The following SRRM4 variants were observed in gnomAD, a reference collection of about 807,000 sequenced individuals.
SRRM4 encodes the protein serine/arginine repetitive matrix protein 4.
SRRM4 carries 33 observed loss-of-function variants against 68.9 expected under a neutral mutation model. That is an observed-to-expected ratio of 0.48 (90% CI 0.36 to 0.64). The LOEUF is 0.64. Among genes scored for constraint, SRRM4 ranks in the 30% least tolerant of loss-of-function variants. The pLI is 0.00. For missense variants in SRRM4, 817 were observed against 827.1 expected, an observed-to-expected ratio of 0.99 and a Z score of 0.15; for synonymous variants, 318 against 318.8, an observed-to-expected ratio of 1.00 and a Z score of 0.03.
chr12:119,024,006 G>A lies in SRRM4; in HGVS notation c.131+41993G>A, dbSNP rs200247979. Among the ~76,000 whole-genome samples the A allele has an allele frequency of 2.7e-5, 4 of 150,840 alleles. No individual in the cohort carries two copies. In the South Asian group the frequency reaches 8.5e-4, roughly 32 times the overall value. On this transcript the variant is annotated intron_variant, in intron 1 of 12. Coordinates refer to ENST00000267260, the MANE Select transcript of SRRM4 (RefSeq NM_194286.4). ...TGTAATTCTCTCTCATTGTACTCTT[G>A]GCTTTTCTGCATGTTACCTATCACA...
At chr12:119,000,410 C>T (rs1172735566) in intron 1 of SRRM4, among the ~76,000 whole-genome samples, 2 of 152,148 alleles carry the variant, frequency 1.3e-5, no homozygotes, top group Non-Finnish European at 2.9e-5. Context: ...TTTGCACTCC[C>T]AGTCACTGGA....
chr12:119,044,111 C>A (rs1468088597), intron 1 of SRRM4, among the ~76,000 whole-genome samples: 2 of 152,308 alleles, frequency 1.3e-5, no homozygotes, highest in South Asian at 2.1e-4. Context: ...AGGTAATCCA[C>A]ACGCCTCGGC....
chr12:119,025,784 TG>T (rs2136003739), intron 1 of SRRM4, among the ~76,000 whole-genome samples: 1 of 151,970 alleles, frequency 6.6e-6, no homozygotes, highest in East Asian at 1.9e-4. Context: ...AAAGGAGAAA[TG>T]GGGAGGGAGG....
At position 119,149,214 on chromosome 12, in the gene SRRM4, G is replaced by T. The variant is rs959508266; in HGVS notation, c.1077-1803G>T. The stretch of plus-strand genomic sequence containing the variant: ...AATGCAAAAACTAGCTGAGTGTGGT[G>T]GTGCGCACCTGCAGTCCCAGCCACT... On this transcript the variant is annotated intron_variant, in intron 9 of 12. Transcript: ENST00000267260. 1.1e-4 allele frequency among the ~76,000 whole-genome samples: 17 copies of T among 152,272 alleles called. No homozygotes were observed. The East Asian group carries it at 1.2e-3, about 10-fold the overall frequency.
intron 1 of SRRM4, among the ~76,000 whole-genome samples, chr12:119,067,349 A>G (rs1953852087): frequency 6.6e-6 from 1 of 152,148 alleles, no homozygotes; most frequent in African/African-American, 2.4e-5. Context: ...TCTTATTGTA[A>G]CAACCCTAGT....
At chr12:119,004,456 T>C (rs1337387757) in intron 1 of SRRM4, among the ~76,000 whole-genome samples, 2 of 151,982 alleles carry the variant, frequency 1.3e-5, no homozygotes, top group Non-Finnish European at 2.9e-5. Flanking sequence ...AGGAAGCTGC[T>C]CCTGAGAGGG....
At chr12:119,049,590 G>A (rs1173527868) in intron 1 of SRRM4, among the ~76,000 whole-genome samples, 2 of 152,186 alleles carry the variant, frequency 1.3e-5, no homozygotes, top group Non-Finnish European at 2.9e-5. Flanking sequence ...AATTTAATGA[G>A]ATAATGCATG....
At chr12:119,039,088 T>C (rs1038522033) in intron 1 of SRRM4, among the ~76,000 whole-genome samples, 5 of 152,240 alleles carry the variant, frequency 3.3e-5, no homozygotes, top group African/African-American at 7.2e-5. Flanking sequence ...ACAAGCATCA[T>C]CTCAGCTCTT....
At chr12:119,021,611 G>T (rs150794446) in intron 1 of SRRM4, among the ~76,000 whole-genome samples, 204 of 152,304 alleles carry the variant, frequency 1.3e-3, no homozygotes, top group African/African-American at 4.6e-3. Flanking sequence ...TGGCTGAAAA[G>T]TCCAGCTTTT....
At chr12:119,152,681 T>C (rs138738634) in intron 10 of SRRM4, among the ~76,000 whole-genome samples, 87 of 152,322 alleles carry the variant, frequency 5.7e-4, no homozygotes, top group Admixed American at 1.0e-3. Context: ...ATCTTGACTC[T>C]TTCTTATATC....
rs911577038 is a variant in SRRM4, at chr12:119,125,411, C to T, written c.546C>T (p.Arg182=). The stretch of plus-strand genomic sequence containing the variant: ...GAAGCCGGCCCCGAAAGTCTCACCG[C>T]CACCGCCATCACCGCTGCCCCTCGC... The part of the protein sequence containing the change: ...QSRSRPRKSH[R]HRHHRCPSRS... Residue 182 remains arginine (R), a synonymous_variant, in exon 7 of 13, where the codon CGC becomes CGT. Coordinates refer to ENST00000267260, the MANE Select transcript of SRRM4 (RefSeq NM_194286.4). The T allele has an allele frequency of 6.2e-7, 1 of 1,613,704 alleles. No homozygotes were observed. Among genetic ancestry groups the T allele is most frequent in the African/African-American group, 1.3e-5 (1 of 75,008 alleles).
At chr12:118,982,039 G>A (rs1314162053) in intron 1 of SRRM4, 26 bp downstream of exon 1, 3 of 1,591,796 alleles carry the variant, frequency 1.9e-6, no homozygotes, top group African/African-American at 2.7e-5. Flanking sequence ...TTAGAAGGGG[G>A]GATCCTGAAG....
chr12:119,127,867 A>G (rs137879099), intron 7 of SRRM4, among the ~76,000 whole-genome samples: 39 of 152,322 alleles, frequency 2.6e-4, no homozygotes, highest in African/African-American at 9.4e-4. Flanking sequence ...AAGATTTTCA[A>G]TACATTTTCT....
At chr12:118,993,386 G>C (rs1047305061) in intron 1 of SRRM4, among the ~76,000 whole-genome samples, 1 of 152,176 alleles carries the variant, frequency 6.6e-6, no homozygotes, top group African/African-American at 2.4e-5. Context: ...TGTATATACT[G>C]TATCTTTTTC....
At chr12:119,030,758 G>A (rs985268343) in intron 1 of SRRM4, among the ~76,000 whole-genome samples, 27 of 151,930 alleles carry the variant, frequency 1.8e-4, no homozygotes, top group African/African-American at 6.5e-4. Flanking sequence ...CTATTTTCAT[G>A]TCCATATCAT....
chr12:119,019,813 G>A (rs1217208335), intron 1 of SRRM4, among the ~76,000 whole-genome samples: 1 of 152,100 alleles, frequency 6.6e-6, no homozygotes, highest in Non-Finnish European at 1.5e-5. Flanking sequence ...GAGGATGTTT[G>A]AAGGGAAAGG....
At chr12:119,097,940 G>A (rs1217633081) in intron 1 of SRRM4, among the ~76,000 whole-genome samples, 1 of 152,182 alleles carries the variant, frequency 6.6e-6, no homozygotes, top group Non-Finnish European at 1.5e-5. Flanking sequence ...GCCTATCATG[G>A]GATTGCTTGT....
At chr12:119,022,878 A>G (rs1163891105) in intron 1 of SRRM4, among the ~76,000 whole-genome samples, 2 of 152,222 alleles carry the variant, frequency 1.3e-5, no homozygotes, top group Non-Finnish European at 2.9e-5. Flanking sequence ...TGGCTCTGCC[A>G]TTCTCAGGGT....
At chr12:119,018,985 C>T (rs1953497980) in intron 1 of SRRM4, among the ~76,000 whole-genome samples, 1 of 152,100 alleles carries the variant, frequency 6.6e-6, no homozygotes, top group Non-Finnish European at 1.5e-5. Flanking sequence ...CTTAATGAAG[C>T]TCAAGTGAAA....
Sources: allele counts gnomAD v4.1 joint callset (sites outside exome capture counted in the v4.1 genomes callset), GRCh38; gene constraint gnomAD v4.1.1; transcripts MANE v1.5; gene names NCBI Gene and HGNC (gene_info 2026-07-23, HGNC 2026-07-21).